The following SGCZ variants were observed in gnomAD, a reference collection of about 807,000 sequenced individuals.
The protein encoded by SGCZ is zeta-sarcoglycan.
In SGCZ, 40 loss-of-function variants were observed where a neutral mutation model predicts 41.3. That is an observed-to-expected ratio of 0.97 (90% CI 0.75 to 1.26). The LOEUF is 1.26. SGCZ is among the 50% of genes most tolerant of loss of function. SGCZ has a pLI of 0.00. For missense variants in SGCZ, 552 were observed against 369.8 expected, an observed-to-expected ratio of 1.49 and a Z score of -4.04; for synonymous variants, 206 against 137.5, an observed-to-expected ratio of 1.50 and a Z score of -3.49.
intron 1 of SGCZ, among the ~76,000 whole-genome samples, chr8:14,567,890 G>C (rs1359720635): frequency 6.6e-6 from 1 of 152,128 alleles, no homozygotes; most frequent in Non-Finnish European, 1.5e-5. Flanking sequence ...CCACCAGAAG[G>C]AAGAAACTCC....
intron 3 of SGCZ, among the ~76,000 whole-genome samples, chr8:14,240,327 C>CAAAAAAAAAAAAAATAAAAAAAAAAAAA (rs1798827078): frequency 8.7e-6 from 1 of 115,242 alleles, no homozygotes; most frequent in Non-Finnish European, 1.8e-5. Flanking sequence ...AACTCTGTGT[C>CAAAAAAAAAAAAAATAAAAAAAAAAAAA]AAAAAAAAAA....
intron 3 of SGCZ, among the ~76,000 whole-genome samples, chr8:14,277,710 G>C (rs1313769156): frequency 1.3e-5 from 2 of 152,124 alleles, no homozygotes; most frequent in Non-Finnish European, 1.5e-5. Context: ...GCAAGACATA[G>C]AAGCTGCCTA....
intron 1 of SGCZ, among the ~76,000 whole-genome samples, chr8:14,612,901 G>A (rs982589208): frequency 4.6e-5 from 7 of 152,152 alleles, no homozygotes; most frequent in African/African-American, 1.7e-4. Flanking sequence ...GCCCAGGGTA[G>A]CCTCGAACTC....
intron 2 of SGCZ, among the ~76,000 whole-genome samples, chr8:14,374,664 G>A (rs912282949): frequency 1.3e-5 from 2 of 152,138 alleles, no homozygotes; most frequent in East Asian, 3.9e-4. Flanking sequence ...ATACTGCCAT[G>A]TTTTCCTTCA....
At chr8:14,261,451 A>AAT (rs1237252656) in intron 3 of SGCZ, among the ~76,000 whole-genome samples, 1 of 152,122 alleles carries the variant, frequency 6.6e-6, no homozygotes, top group East Asian at 1.9e-4. Context: ...AGGTCGAGGT[A>AAT]ATATATATCA....
chr8:14,437,916 G>T lies in SGCZ; in HGVS notation c.235-113712C>A, dbSNP rs375902442. Among the ~76,000 whole-genome samples, 11 of 151,808 alleles carry T rather than the reference G, an allele frequency of 7.2e-5. No individual in the cohort carries two copies. The East Asian group carries it at 1.5e-3, about 21-fold the overall frequency. Reference sequence around the variant, plus strand: ...CACTGACCTATTTCATAGATGTAAAGCTAGATGATTACCGATTTGTGTTGT... The same window carrying T: ...CACTGACCTATTTCATAGATGTAAATCTAGATGATTACCGATTTGTGTTGT... On this transcript the variant is annotated intron_variant, in intron 2 of 7. Coordinates refer to ENST00000382080, the MANE Select transcript of SGCZ (RefSeq NM_139167.4).
At chr8:14,413,391 A>G (rs888297601) in intron 2 of SGCZ, among the ~76,000 whole-genome samples, 1 of 151,858 alleles carries the variant, frequency 6.6e-6, no homozygotes, top group Non-Finnish European at 1.5e-5. Context: ...CAATAAGTTC[A>G]ATTTTTTTGT....
intron 1 of SGCZ, among the ~76,000 whole-genome samples, chr8:14,752,132 C>CAAAAA (rs56243371): frequency 0.015 from 1,780 of 117,436 alleles, 40 homozygotes; most frequent in Non-Finnish European, 0.022. Context: ...ACAAAAAAGC[C>CAAAAA]AAAAAAAAAA....
At chr8:14,749,391 G>C (rs145306020) in intron 1 of SGCZ, among the ~76,000 whole-genome samples, 3 of 152,238 alleles carry the variant, frequency 2.0e-5, no homozygotes, top group East Asian at 3.9e-4. Context: ...CCAGGTTCTA[G>C]AACGAACATT....
chr8:14,601,353 T>C (rs553129725), intron 1 of SGCZ, among the ~76,000 whole-genome samples: 25 of 152,126 alleles, frequency 1.6e-4, no homozygotes, highest in Non-Finnish European at 3.4e-4. Context: ...TTCTCTAAGG[T>C]TTATATCAAG....
chr8:14,105,107 C>G (rs949524668), intron 6 of SGCZ, among the ~76,000 whole-genome samples: 1 of 151,956 alleles, frequency 6.6e-6, no homozygotes, highest in Non-Finnish European at 1.5e-5. Context: ...TCTTTGTTAA[C>G]TATTTAACAT....
chr8:14,759,006 C>T (rs1022780163), intron 1 of SGCZ, among the ~76,000 whole-genome samples: 29 of 122,138 alleles, frequency 2.4e-4, no homozygotes, highest in Admixed American at 5.6e-4. Context: ...GAAACTCCAT[C>T]TCAAAAAAAA....
chr8:14,782,474 C>T (rs1353617883), intron 1 of SGCZ, among the ~76,000 whole-genome samples: 2 of 152,112 alleles, frequency 1.3e-5, no homozygotes, highest in African/African-American at 2.4e-5. Flanking sequence ...TTTCTTTCCT[C>T]TGCAGTTCAG....
At chr8:14,218,139 G>T (rs974980574) in intron 4 of SGCZ, among the ~76,000 whole-genome samples, 1 of 152,184 alleles carries the variant, frequency 6.6e-6, no homozygotes, top group Admixed American at 6.5e-5. Context: ...ATAAGGCAAA[G>T]CATTTAAAAT....
Position 14,488,777 on chromosome 8 carries a change from A to G in SGCZ, c.234+65955T>C, listed in dbSNP as rs1162113674. 7.4e-5 allele frequency among the ~76,000 whole-genome samples: 11 copies of G among 147,690 alleles called. No individual in the cohort carries two copies. In the Admixed American group the frequency reaches 7.5e-4, roughly 10 times the overall value. On this transcript the variant is annotated intron_variant, in intron 2 of 7. Transcript: ENST00000382080. ...CTTTTGTTTCAGCAGAGTTGAATTC[A>G]ATCTTTCTCTTTATTGCAATAATCT...
chr8:14,417,230 T>A (rs1484099273), intron 2 of SGCZ, among the ~76,000 whole-genome samples: 1 of 151,926 alleles, frequency 6.6e-6, no homozygotes, highest in Non-Finnish European at 1.5e-5. Flanking sequence ...TTCAACTCAG[T>A]TCGTAGTGCA....
chr8:14,251,829 C>T (rs575524440), intron 3 of SGCZ, among the ~76,000 whole-genome samples: 1 of 152,076 alleles, frequency 6.6e-6, no homozygotes, highest in Non-Finnish European at 1.5e-5. Context: ...GGTTCTCCTG[C>T]CTCAGCCTCC....
At chr8:15,227,076 T>A (rs531330574) in intron 1 of SGCZ, among the ~76,000 whole-genome samples, 1 of 152,146 alleles carries the variant, frequency 6.6e-6, no homozygotes, top group Non-Finnish European at 1.5e-5. Context: ...AGCAGATTGC[T>A]GGAAATAGGA....
chr8:14,981,877 TG>T (rs1396198390), intron 1 of SGCZ, among the ~76,000 whole-genome samples: 1 of 152,042 alleles, frequency 6.6e-6, no homozygotes, highest in Non-Finnish European at 1.5e-5. Flanking sequence ...AGGCTGAAGG[TG>T]GTGGCTCACA....
Sources: allele counts gnomAD v4.1 joint callset (sites outside exome capture counted in the v4.1 genomes callset), GRCh38; gene constraint gnomAD v4.1.1; transcripts MANE v1.5; gene names NCBI Gene and HGNC (gene_info 2026-07-23, HGNC 2026-07-21).